ARFGEF1: variants seen among roughly 807,000 people sequenced by gnomAD.
ARFGEF1 encodes ARF guanine nucleotide exchange factor 1.
Under a neutral mutation model 231.0 loss-of-function variants are expected in ARFGEF1, and 42 were observed. The observed-to-expected ratio is 0.18, with a 90% CI of 0.14 to 0.24. The LOEUF (loss-of-function observed/expected upper bound fraction) is 0.24, where lower values mean the gene tolerates loss of function less well. ARFGEF1 is among the 10% of genes least tolerant of loss of function. The probability of loss-of-function intolerance (pLI) is 1.00; values close to 1 mark genes in which losing one functional copy is unlikely to be tolerated. For missense variants in ARFGEF1, 1,345 were observed against 2,192.0 expected (o/e 0.61, Z 7.72); for synonymous variants, 710 against 732.3 (o/e 0.97, Z 0.49).
intron 1 of ARFGEF1, among the ~76,000 whole-genome samples, chr8:67,311,169 G>A (rs550625413): frequency 6.9e-6 from 1 of 145,848 alleles, no homozygotes; most frequent in African/African-American, 2.6e-5. Context: ...GGGCGCCTCT[G>A]CCCGGCCGCC....
intron 5 of ARFGEF1, among the ~76,000 whole-genome samples, chr8:67,184,728 A>C (rs2129572932): frequency 7.1e-6 from 1 of 141,526 alleles, no homozygotes; most frequent in South Asian, 2.2e-4. Flanking sequence ...TGTCTAAAAA[A>C]ATAATAATAA....
intron 34 of ARFGEF1, among the ~76,000 whole-genome samples, chr8:67,208,645 A>AC (rs1838609718): frequency 6.6e-6 from 1 of 151,470 alleles, no homozygotes; most frequent in African/African-American, 2.4e-5. Context: ...AAAAAAAAAA[A>AC]AAACCAACAA....
intron 3 of ARFGEF1, 116 bp downstream of exon 3, chr8:67,301,108 A>G: frequency 3.0e-6 from 3 of 1,014,906 alleles, no homozygotes; most frequent in Non-Finnish European, 4.1e-6. Context: ...TGGATTTTTT[A>G]CCACAAAAAA....
chr8:67,299,322 C>T lies in ARFGEF1; in HGVS notation c.346G>A (p.Ala116Thr). 6.2e-7 allele frequency: 1 copy of T among 1,607,660 alleles called. No individual in the cohort carries two copies. Among genetic ancestry groups the T allele is most frequent in the Non-Finnish European group, 8.5e-7 (1 of 1,178,410 alleles). ...TTGCCTGGTGTTGTACTATCTGGAG[C>T]ATTGCCAGTCAAGTGCCCATAAGCA... Reference protein sequence around the residue: ...LIAYGHLTGNAPDSTTPGKKL... With the variant: ...LIAYGHLTGNTPDSTTPGKKL... The change falls in exon 4 of 39, where the codon GCT becomes ACT. Residue 116 changes from alanine (A) to threonine (T), a missense_variant. Ala to Thr is a moderately conservative substitution (Grantham distance 58). Coordinates refer to ENST00000262215, the MANE Select transcript of ARFGEF1 (RefSeq NM_006421.5).
intron 1 of ARFGEF1, among the ~76,000 whole-genome samples, chr8:67,321,759 C>A (rs190135394): frequency 2.6e-5 from 4 of 152,260 alleles, no homozygotes; most frequent in Non-Finnish European, 5.9e-5. Context: ...CACACCCGGC[C>A]GAGAACTTCT....
At chr8:67,244,242 CAAAAA>C (rs34333039) in intron 19 of ARFGEF1, among the ~76,000 whole-genome samples, 17 of 20,094 alleles carry the variant, frequency 8.5e-4, no homozygotes, top group African/African-American at 2.5e-3. Flanking sequence ...GACTCCACCT[CAAAAA>C]AAAAAAAAAA....
At chr8:67,261,348 T>A (rs1804613334) in intron 14 of ARFGEF1, among the ~76,000 whole-genome samples, 1 of 152,216 alleles carries the variant, frequency 6.6e-6, no homozygotes, top group Admixed American at 6.5e-5. Flanking sequence ...TAGCTGATGA[T>A]ATTAACTTGA....
intron 33 of ARFGEF1, among the ~76,000 whole-genome samples, chr8:67,214,083 G>C (rs896286226): frequency 6.6e-6 from 1 of 152,242 alleles, no homozygotes; most frequent in East Asian, 1.9e-4. Flanking sequence ...TGAAGAGACT[G>C]TTGGTAGAAA....
At chr8:67,258,818 T>TACACACACAC (rs10576509) in intron 15 of ARFGEF1, among the ~76,000 whole-genome samples, 2,720 of 142,998 alleles carry the variant, frequency 0.019, 50 homozygotes, top group African/African-American at 0.039. Context: ...AAGCAGATTT[T>TACACACACAC]ACACACACAC....
intron 21 of ARFGEF1, 74 bp downstream of exon 21, chr8:67,238,661 T>C (rs1839840846): frequency 1.3e-6 from 2 of 1,530,008 alleles, no homozygotes; most frequent in East Asian, 2.3e-5. Context: ...CATTTAGGCA[T>C]GTCAATGATG....
In ARFGEF1 at chr8:67,271,873, T is replaced by C. The variant is rs978393571; in HGVS notation, c.1401A>G (p.Ala467=). 36 of 1,613,680 alleles carry C rather than the reference T, an allele frequency of 2.2e-5. No homozygotes were observed. Among genetic ancestry groups the C allele is most frequent in the Non-Finnish European group, 2.8e-5 (33 of 1,179,836 alleles). ...TCTCATTTGTCCTGAAAATAGGTCC[T>C]GCATTCTGCAGAATGGATAGAAGTA... The part of the protein sequence containing the change: ...LQLLLSILQN[A]GPIFRTNEMF... Residue 467 remains alanine, a synonymous_variant, in exon 10 of 39, where the codon GCA becomes GCG. Coordinates refer to ENST00000262215, the MANE Select transcript of ARFGEF1 (RefSeq NM_006421.5).
At position 67,310,939 on chromosome 8, in the gene ARFGEF1, G is replaced by A. The variant is rs540640915; in HGVS notation, c.125-8473C>T. Among the ~76,000 whole-genome samples the A allele has an allele frequency of 6.3e-4, 91 of 144,324 alleles. 1 individual carries two copies. The East Asian group carries it at 0.013, about 21-fold the overall frequency. 94.7% of individuals were successfully genotyped at this position (144,324 alleles called of 152,430 possible). A position where few individuals can be genotyped will look rare whatever the true frequency, so the allele number is the denominator to read the frequency against. ...TGGGAAGTGAGGAGCCTCTCCGCCC[G>A]GCAGCCACCCCGTCCAGGAGGGAGG... is the stretch of plus-strand genomic sequence containing the variant. On this transcript the variant is annotated intron_variant, in intron 1 of 38. Coordinates refer to ENST00000262215, the MANE Select transcript of ARFGEF1 (RefSeq NM_006421.5).
At chr8:67,260,255 T>G (rs1351108360) in intron 14 of ARFGEF1, among the ~76,000 whole-genome samples, 1 of 152,224 alleles carries the variant, frequency 6.6e-6, no homozygotes, top group Non-Finnish European at 1.5e-5. Context: ...TGCCATGTAG[T>G]AGACGAACTT....
intron 10 of ARFGEF1, among the ~76,000 whole-genome samples, chr8:67,270,310 T>A (rs1320413152): frequency 6.6e-6 from 1 of 152,154 alleles, no homozygotes; most frequent in African/African-American, 2.4e-5. Context: ...TCACTTAAAA[T>A]ACCAAGGCCT....
rs370916498 is a variant in ARFGEF1 at position 67,276,830 on chromosome 8, C to T, written c.1203+452G>A. ...GTCTGCATTATACCGAATGAGCATC[C>T]TAATCCCAAAATCCAAAATGTGGAA... On this transcript the variant is annotated intron_variant, in intron 8 of 38. Transcript: ENST00000262215. 2.6e-5 allele frequency among the ~76,000 whole-genome samples: 4 copies of T among 152,210 alleles called. No individual in the cohort carries two copies. In the East Asian group the frequency reaches 7.7e-4, roughly 29 times the overall value.
chr8:67,271,725 T>C lies in ARFGEF1; in HGVS notation c.1549A>G (p.Thr517Ala), dbSNP rs1211033244. 1 of 1,612,796 alleles carries C rather than the reference T, an allele frequency of 6.2e-7. No homozygotes were observed. The highest frequency in any genetic ancestry group is 8.5e-7 in the Non-Finnish European group (1 of 1,179,290). Residue 517 changes from threonine (T) to alanine (A), a missense_variant, in exon 10 of 39, where the codon ACA becomes GCA. Around this residue, in one of 14 missense-constraint regions of ARFGEF1, gnomAD observed 141 missense variants for 259.9 expected, o/e 0.54. Coordinates refer to ENST00000262215, the MANE Select transcript of ARFGEF1 (RefSeq NM_006421.5). ...IFLTLLSNFK[T>A]HLKMQIEVFF... ...ACCTCAATTTGCATCTTCAGATGTG[T>C]CTTGAAATTTGACAACAAAGTAAGA...
At chr8:67,291,235 C>T (rs1429856194) in intron 6 of ARFGEF1, among the ~76,000 whole-genome samples, 1 of 152,026 alleles carries the variant, frequency 6.6e-6, no homozygotes, top group Non-Finnish European at 1.5e-5. Context: ...ATTATTTTTA[C>T]AGAGAAACAA....
intron 7 of ARFGEF1, among the ~76,000 whole-genome samples, chr8:67,284,456 C>T (rs1202890828): frequency 6.6e-6 from 1 of 152,050 alleles, no homozygotes; most frequent in Non-Finnish European, 1.5e-5. Context: ...TGTAAATATT[C>T]TTCATATTTA....
intron 34 of ARFGEF1, 176 bp from the exon 35 acceptor site, chr8:67,204,995 G>A: frequency 1.3e-6 from 1 of 768,414 alleles, no homozygotes; most frequent in Non-Finnish European, 2.0e-6. Context: ...CTGATATTTA[G>A]AAAAGCCTCG....
Sources: allele counts gnomAD v4.1 joint callset (sites outside exome capture counted in the v4.1 genomes callset), GRCh38; gene constraint gnomAD v4.1.1; regional missense constraint gnomAD v4.1.1; transcripts MANE v1.5; gene names NCBI Gene and HGNC (gene_info 2026-07-23, HGNC 2026-07-21).